OSBPL3: variants seen among roughly 807,000 people sequenced by gnomAD.
OSBPL3 encodes the protein oxysterol binding protein like 3.
OSBPL3 carries 65 observed loss-of-function variants against 120.1 expected under a neutral mutation model. The ratio of observed to expected loss-of-function variants is 0.54; its 90% CI spans 0.44 to 0.67. The LOEUF (loss-of-function observed/expected upper bound fraction) is 0.67. OSBPL3 is among the 30% of genes least tolerant of loss of function. OSBPL3 has a pLI of 0.00. For synonymous variants in OSBPL3, 416 were observed against 402.6 expected, an observed-to-expected ratio of 1.03 and a Z score of -0.40; for missense variants, 1,004 against 1,082.1, an observed-to-expected ratio of 0.93 and a Z score of 1.01.
chr7:24,840,499 T>C (rs1286649727), intron 14 of OSBPL3, among the ~76,000 whole-genome samples, 191 bp downstream of exon 14: 5 of 152,208 alleles, frequency 3.3e-5, no homozygotes, highest in African/African-American at 4.8e-5. Context: ...CAAATACACA[T>C]AACACACAAA....
At position 24,855,878 on chromosome 7, in the gene OSBPL3, G is replaced by A. The variant is rs558353786; in HGVS notation, c.1028-3244C>T. On this transcript the variant is annotated intron_variant, in intron 10 of 22. Transcript: ENST00000313367. This position sits in a 1 kb window ranked among gnomAD's most constrained non-coding sequence, Gnocchi z 4.3. ...TAAAGCCACACAGAAAATCTTAGAT[G>A]CTCAGAGATTACCAAAGCCACCCAC... Among the ~76,000 whole-genome samples, 1 of 152,294 alleles carries A rather than the reference G, an allele frequency of 6.6e-6. No individual in the cohort carries two copies. The highest frequency in any genetic ancestry group is 2.4e-5 in the African/African-American group (1 of 41,562).
chr7:24,929,055 T>G (rs75567617), intron 1 of OSBPL3, among the ~76,000 whole-genome samples: 9,563 of 152,202 alleles, frequency 0.063, 526 homozygotes, highest in East Asian at 0.23. Context: ...CTTTAGAAAT[T>G]GCCAAACTGC....
rs1812743584 is a variant in OSBPL3 at position 24,938,828 on chromosome 7, TG to T, written c.-150+41057del. On this transcript the variant is annotated intron_variant, in intron 1 of 22. Transcript: ENST00000313367. The surrounding 1 kb of genome is among the most constrained non-coding windows in gnomAD (Gnocchi z 5.8). ...GTGTGTGTGTGTGTGTGTGTGTGTG[TG>T]TGTGTTTTGAGAGCAAAACTAATGT... Among the ~76,000 whole-genome samples, 4 of 148,788 alleles carry T rather than the reference TG, an allele frequency of 2.7e-5. No individual in the cohort carries two copies. The highest frequency in any genetic ancestry group is 9.9e-5 in the African/African-American group (4 of 40,374).
At chr7:24,887,857 C>T (rs754712171) in intron 2 of OSBPL3, among the ~76,000 whole-genome samples, 3 of 151,936 alleles carry the variant, frequency 2.0e-5, no homozygotes, top group African/African-American at 7.3e-5. Flanking sequence ...GCATAGAGGG[C>T]GAGAGGGGAA....
chr7:24,919,653 A>G (rs1810148033), intron 1 of OSBPL3, among the ~76,000 whole-genome samples: 2 of 152,020 alleles, frequency 1.3e-5, no homozygotes, highest in Admixed American at 1.3e-4. Context: ...GGGGGAAAAA[A>G]GTGATAAATT....
rs564408327 is a variant in OSBPL3, at chr7:24,960,049, T to C, written c.-150+19837A>G. On this transcript the variant is annotated intron_variant, in intron 1 of 22. Transcript: ENST00000313367. The stretch of plus-strand genomic sequence containing the variant: ...TACCAAAATAGCTATTACTCTTAAA[T>C]GAACCTTCTGTTGAACTACTAAGAA... Among the ~76,000 whole-genome samples, 20 of 152,334 alleles carry C rather than the reference T, an allele frequency of 1.3e-4. No homozygotes were observed. In the East Asian group the frequency reaches 3.1e-3, roughly 23 times the overall value.
In OSBPL3 at chr7:24,871,857, A is replaced by C; in HGVS notation, c.214-62T>G. Reference sequence around the variant, plus strand: ...ATTTAGGTGCCCTTTTCTTGGTCTCAAATTCCAACTAGAAATTAAATATGA... The same window carrying C: ...ATTTAGGTGCCCTTTTCTTGGTCTCCAATTCCAACTAGAAATTAAATATGA... On this transcript the variant is annotated intron_variant, in intron 3 of 22. Coordinates refer to ENST00000313367, the MANE Select transcript of OSBPL3 (RefSeq NM_015550.4). The surrounding 1 kb of genome is among the most constrained non-coding windows in gnomAD (Gnocchi z 4.8). 2 of 1,490,726 alleles carry C rather than the reference A, an allele frequency of 1.3e-6. No individual in the cohort carries two copies. The highest frequency in any genetic ancestry group is 3.5e-4 in the Middle Eastern group (2 of 5,794). 92.3% of individuals were successfully genotyped at this position (1,490,726 alleles called of 1,614,324 possible).
rs1175355681 is a variant in OSBPL3, at chr7:24,821,170, G to T, written c.1885-932C>A. ...CTGATGTAGCTGATTCTTAACAGAG[G>T]TGTCTTACATTGAGAGTATCTAGCT... On this transcript the variant is annotated intron_variant, in intron 16 of 22. Coordinates refer to ENST00000313367, the MANE Select transcript of OSBPL3 (RefSeq NM_015550.4). The surrounding 1 kb of genome is among the most constrained non-coding windows in gnomAD (Gnocchi z 5.5). 2.0e-5 allele frequency among the ~76,000 whole-genome samples: 3 copies of T among 152,166 alleles called. No individual in the cohort carries two copies. The highest frequency in any genetic ancestry group is 7.2e-5 in the African/African-American group (3 of 41,420).
rs1235513506 is a variant in OSBPL3, at chr7:24,959,540, T to C, written c.-150+20346A>G. 1.3e-5 allele frequency among the ~76,000 whole-genome samples: 2 copies of C among 152,178 alleles called. No homozygotes were observed. Among genetic ancestry groups the C allele is most frequent in the Admixed American group, 6.5e-5 (1 of 15,272 alleles). ...ACAAATCAGGATGGAAATTACCCAT[T>C]GCGGGTAGGGATAGCGACTTCGGAA... On this transcript the variant is annotated intron_variant, in intron 1 of 22. Transcript: ENST00000313367. The surrounding 1 kb of genome is among the most constrained non-coding windows in gnomAD (Gnocchi z 4.3).
chr7:24,923,149 C>T (rs1267886547), intron 1 of OSBPL3, among the ~76,000 whole-genome samples: 1 of 152,172 alleles, frequency 6.6e-6, no homozygotes, highest in Non-Finnish European at 1.5e-5. Context: ...AATAGGTTAT[C>T]TATCTAGAAA....
At chr7:24,878,871 C>A (rs1215557787) in intron 2 of OSBPL3, among the ~76,000 whole-genome samples, 1 of 152,186 alleles carries the variant, frequency 6.6e-6, no homozygotes. Flanking sequence ...AGATTCTGCA[C>A]CTGCACAGAT....
In OSBPL3 at chr7:24,861,457, C is replaced by T. The variant is rs191624383; in HGVS notation, c.1027+156G>A. Among the ~76,000 whole-genome samples the T allele has an allele frequency of 1.2e-4, 18 of 152,302 alleles. No individual in the cohort carries two copies. The East Asian group carries it at 2.9e-3, about 24-fold the overall frequency. ...AAGAAAGTTCTTGCCAATACATTCT[C>T]CACTACTAGGGAAATAAAATAAAGA... On this transcript the variant is annotated intron_variant, in intron 10 of 22. Transcript: ENST00000313367.
In OSBPL3 at chr7:24,861,775, G is replaced by GTT. The variant is rs1562843363; in HGVS notation, c.871-7_871-6insAA. 1.3e-6 allele frequency: 2 copies of GTT among 1,569,586 alleles called. No homozygotes were observed. The highest frequency in any genetic ancestry group is 3.8e-5 in the Admixed American group (2 of 53,228). On this transcript the variant is annotated splice_region_variant and splice_polypyrimidine_tract_variant and intron_variant, in intron 9 of 22. Coordinates refer to ENST00000313367, the MANE Select transcript of OSBPL3 (RefSeq NM_015550.4). ...CCAGAAAAAGGTTTCGGGACCTGAA[G>GTT]TAACACCAAAGGGAGATATTTCTTT...
intron 1 of OSBPL3, among the ~76,000 whole-genome samples, chr7:24,917,252 A>C (rs1809698123): frequency 1.3e-5 from 2 of 151,902 alleles, no homozygotes; most frequent in African/African-American, 4.8e-5. Context: ...GCATCAGAGC[A>C]AAATCTGCAG....
intron 12 of OSBPL3, among the ~76,000 whole-genome samples, 188 bp from the exon 13 acceptor site, chr7:24,842,601 C>G (rs913915629): frequency 6.6e-6 from 1 of 152,214 alleles, no homozygotes; most frequent in African/African-American, 2.4e-5. Flanking sequence ...CCAATATGGG[C>G]ACCTCACTTA....
At position 24,852,245 on chromosome 7, in the gene OSBPL3, T is replaced by C. The variant is rs1554365541; in HGVS notation, c.1158+259A>G. 6.6e-6 allele frequency among the ~76,000 whole-genome samples: 1 copy of C among 152,114 alleles called. No individual in the cohort carries two copies. The highest frequency in any genetic ancestry group is 1.5e-5 in the Non-Finnish European group (1 of 68,004). ...CACACAAAAACGTACAATAAAAATG[T>C]TAGAGAAACAAAAAAATTAAGATCA... On this transcript the variant is annotated intron_variant, in intron 11 of 22. Coordinates refer to ENST00000313367, the MANE Select transcript of OSBPL3 (RefSeq NM_015550.4). This position sits in a 1 kb window ranked among gnomAD's most constrained non-coding sequence, Gnocchi z 4.1.
Position 24,830,859 on chromosome 7 carries a change from T to C in OSBPL3, c.1793A>G (p.Tyr598Cys). The C allele has an allele frequency of 6.2e-7, 1 of 1,613,892 alleles. No homozygotes were observed. The highest frequency in any genetic ancestry group is 8.5e-7 in the Non-Finnish European group (1 of 1,179,796). ...ATTAAATGGCTTGCTTCCAGCTCGG[T>C]AGTAGCTAGATGCATACGCTGATAT... Reference protein sequence around the residue: ...FAISAYASSYYRAGSKPFNPV... With the variant: ...FAISAYASSYCRAGSKPFNPV... Residue 598 changes from tyrosine to cysteine, a missense_variant, in exon 16 of 23, where the codon TAC (tyrosine) becomes TGC (cysteine). By Grantham distance (194) the Tyr-to-Cys change is radical. Coordinates refer to ENST00000313367, the MANE Select transcript of OSBPL3 (RefSeq NM_015550.4). The surrounding 1 kb of genome is among the most constrained non-coding windows in gnomAD (Gnocchi z 4.4).
At chr7:24,870,899 C>T (rs886962940) in intron 4 of OSBPL3, 54 bp from the exon 5 acceptor site, 1 of 1,108,680 alleles carries the variant, frequency 9.0e-7, no homozygotes, top group Non-Finnish European at 1.4e-6. Flanking sequence ...AAGCAGTAGT[C>T]ACATCCCTGA....
rs1350773655 is a variant in OSBPL3 at position 24,959,078 on chromosome 7, A to T, written c.-150+20808T>A. On this transcript the variant is annotated intron_variant, in intron 1 of 22. Coordinates refer to ENST00000313367, the MANE Select transcript of OSBPL3 (RefSeq NM_015550.4). This position sits in a 1 kb window ranked among gnomAD's most constrained non-coding sequence, Gnocchi z 4.3. ...TAGAATGGCTAAAATAAAAAAGAAAAGAACAAGTACAGATGTAGAGCAACT... is the reference window on the plus strand; with the variant it reads ...TAGAATGGCTAAAATAAAAAAGAAATGAACAAGTACAGATGTAGAGCAACT... Among the ~76,000 whole-genome samples the T allele has an allele frequency of 1.3e-5, 2 of 152,222 alleles. No individual in the cohort carries two copies. Among genetic ancestry groups the T allele is most frequent in the African/African-American group, 2.4e-5 (1 of 41,470 alleles).
Sources: allele counts gnomAD v4.1 joint callset (sites outside exome capture counted in the v4.1 genomes callset), GRCh38; gene constraint gnomAD v4.1.1; non-coding constraint Gnocchi (gnomAD v3.1); transcripts MANE v1.5; gene names NCBI Gene and HGNC (gene_info 2026-07-23, HGNC 2026-07-21).